The following FGD6 variants were observed in gnomAD, a reference collection of about 807,000 sequenced individuals.
The protein encoded by FGD6 is FYVE, RhoGEF and PH domain-containing protein 6.
A neutral mutation model predicts 149.4 loss-of-function variants in FGD6; 90 were observed. That is an observed-to-expected ratio of 0.60 (90% CI 0.51 to 0.72). The LOEUF is 0.72. Ranked by LOEUF, FGD6 falls within the 30% of genes least tolerant of loss-of-function variation. The pLI is 0.00. For synonymous variants in FGD6, 527 were observed against 584.0 expected (o/e 0.90, Z 1.41); for missense variants, 1,437 against 1,684.8 (o/e 0.85, Z 2.57).
intron 8 of FGD6, among the ~76,000 whole-genome samples, chr12:95,119,348 ACTT>A (rs1257839875): frequency 6.6e-6 from 1 of 152,204 alleles, no homozygotes; most frequent in African/African-American, 2.4e-5. Flanking sequence ...AATGAGGAAA[ACTT>A]AAACTATGAA....
chr12:95,106,118 T>C (rs1263749312), intron 13 of FGD6, among the ~76,000 whole-genome samples: 1 of 116,148 alleles, frequency 8.6e-6, no homozygotes, highest in African/African-American at 3.1e-5. Context: ...CTAAAATATA[T>C]ATTTGTTGTT....
intron 20 of FGD6, among the ~76,000 whole-genome samples, chr12:95,082,427 T>C (rs904380087): frequency 2.6e-5 from 4 of 151,716 alleles, no homozygotes; most frequent in African/African-American, 9.7e-5. Context: ...GGAGGCTGAG[T>C]TGGGCAGATC....
intron 8 of FGD6, among the ~76,000 whole-genome samples, chr12:95,127,884 T>A (rs1453654245): frequency 1.3e-5 from 2 of 152,182 alleles, no homozygotes; most frequent in Non-Finnish European, 2.9e-5. Flanking sequence ...TCAGAGGAAT[T>A]TTAAAATTCC....
chr12:95,130,106 T>A (rs538425051), intron 8 of FGD6, among the ~76,000 whole-genome samples: 1 of 152,216 alleles, frequency 6.6e-6, no homozygotes, highest in Admixed American at 6.5e-5. Flanking sequence ...AGTGTTTTAC[T>A]ACCATGCAGG....
At chr12:95,180,919 T>C (rs764685596) in intron 2 of FGD6, among the ~76,000 whole-genome samples, 97 of 152,218 alleles carry the variant, frequency 6.4e-4, no homozygotes, top group South Asian at 1.0e-3. Context: ...TAAAGATATT[T>C]TCTCCTGTTC....
intron 14 of FGD6, among the ~76,000 whole-genome samples, chr12:95,101,272 G>A (rs7139135): frequency 0.73 from 111,115 of 151,966 alleles, 40,826 homozygotes; most frequent in African/African-American, 0.77. Flanking sequence ...GCTCGAACCC[G>A]GGAGGTGGAG....
chr12:95,170,611 C>T (rs1880964385), intron 3 of FGD6, among the ~76,000 whole-genome samples: 1 of 152,176 alleles, frequency 6.6e-6, no homozygotes, highest in Non-Finnish European at 1.5e-5. Flanking sequence ...CATTGTACTC[C>T]AGCCTGGGCA....
At chr12:95,208,011 G>A (rs1157202565) in intron 2 of FGD6, among the ~76,000 whole-genome samples, 4 of 152,134 alleles carry the variant, frequency 2.6e-5, no homozygotes, top group Non-Finnish European at 4.4e-5. Flanking sequence ...AACCCTTTGG[G>A]AGGCAAAGGC....
intron 2 of FGD6, among the ~76,000 whole-genome samples, chr12:95,206,235 T>A (rs1201752159): frequency 6.6e-6 from 1 of 151,340 alleles, no homozygotes; most frequent in African/African-American, 2.4e-5. Flanking sequence ...AAAAAAAAAA[T>A]TTATCTTAGG....
intron 8 of FGD6, among the ~76,000 whole-genome samples, chr12:95,132,366 C>T (rs983878338): frequency 5.3e-5 from 8 of 152,294 alleles, no homozygotes; most frequent in Admixed American, 3.3e-4. Flanking sequence ...TGTCATTTCA[C>T]ACTTTCTCAA....
At chr12:95,127,185 T>C (rs1182898269) in intron 8 of FGD6, among the ~76,000 whole-genome samples, 1 of 152,096 alleles carries the variant, frequency 6.6e-6, no homozygotes, top group African/African-American at 2.4e-5. Context: ...ATACATACAA[T>C]TAACCCTAGG....
chr12:95,196,158 T>C (rs1881730989), intron 2 of FGD6, among the ~76,000 whole-genome samples: 1 of 152,264 alleles, frequency 6.6e-6, no homozygotes, highest in African/African-American at 2.4e-5. Flanking sequence ...ACATTTTGAG[T>C]AATTTCGTAT....
At chr12:95,125,016 TG>T (rs370941434) in intron 8 of FGD6, among the ~76,000 whole-genome samples, 14 of 152,236 alleles carry the variant, frequency 9.2e-5, no homozygotes, top group African/African-American at 2.9e-4. Flanking sequence ...ACTGTGATTG[TG>T]GTATAGCAAA....
At chr12:95,193,368 T>G (rs971218757) in intron 2 of FGD6, among the ~76,000 whole-genome samples, 3 of 152,074 alleles carry the variant, frequency 2.0e-5, no homozygotes, top group Non-Finnish European at 4.4e-5. Flanking sequence ...AATTTTTTTT[T>G]TTTTTTGAGG....
chr12:95,113,400 T>C (rs1878902105), intron 9 of FGD6, among the ~76,000 whole-genome samples: 1 of 151,672 alleles, frequency 6.6e-6, no homozygotes, highest in Non-Finnish European at 1.5e-5. Flanking sequence ...ACCTGGCTAG[T>C]TTTTGTATTT....
At position 95,079,701 on chromosome 12, in the gene FGD6, G is replaced by T. The variant is rs1026427183; in HGVS notation, c.*1819C>A. ...AGAAAGGGGATGGCATGTTAGGATT[G>T]TGTATGAGGTTCAAATGACTCCATG... On this transcript the variant is annotated 3_prime_UTR_variant, in exon 21 of 21. Coordinates refer to ENST00000343958, the MANE Select transcript of FGD6 (RefSeq NM_018351.4). 1.3e-5 allele frequency: 2 copies of T among 152,082 alleles called. No individual in the cohort carries two copies. Among genetic ancestry groups the T allele is most frequent in the Admixed American group, 1.3e-4 (2 of 15,248 alleles). The allele number at this position is 152,082 out of a possible 1,614,324, so 9.4% of individuals were successfully genotyped here. A position where few individuals can be genotyped will look rare whatever the true frequency, so the allele number is the denominator to read the frequency against.
chr12:95,152,930 T>G lies in FGD6; in HGVS notation c.2650A>C (p.Lys884Gln). The change falls in exon 4 of 21, where the codon AAA (lysine) becomes CAA (glutamine). Residue 884 changes from lysine to glutamine, a missense_variant. Coordinates refer to ENST00000343958, the MANE Select transcript of FGD6 (RefSeq NM_018351.4). Reference sequence around the variant, plus strand: ...AATTGTAAACTAGATACCTACACTTTCTCTGAGCTCATGATCTCCTTGGCA... The same window carrying G: ...AATTGTAAACTAGATACCTACACTTGCTCTGAGCTCATGATCTCCTTGGCA... ...HIAKEIMSSEKVFVDVLKLLH... is the reference protein window; with the variant it reads ...HIAKEIMSSEQVFVDVLKLLH... 1 of 1,614,016 alleles carries G rather than the reference T, an allele frequency of 6.2e-7. No individual in the cohort carries two copies.
chr12:95,169,766 G>GA (rs1364282748), intron 3 of FGD6, among the ~76,000 whole-genome samples: 9 of 152,066 alleles, frequency 5.9e-5, no homozygotes, highest in Non-Finnish European at 8.8e-5. Flanking sequence ...GCTAGGAAAA[G>GA]AAAAAACTTG....
At chr12:95,152,905 A>C in intron 4 of FGD6, 21 bp downstream of exon 4, 1 of 1,613,790 alleles carries the variant, frequency 6.2e-7, no homozygotes, top group South Asian at 1.1e-5. Context: ...CAGTCTTCTG[A>C]ATTGTAAACT....
Sources: allele counts gnomAD v4.1 joint callset (sites outside exome capture counted in the v4.1 genomes callset), GRCh38; gene constraint gnomAD v4.1.1; transcripts MANE v1.5; gene names NCBI Gene and HGNC (gene_info 2026-07-23, HGNC 2026-07-21).